BLK: variants seen among roughly 807,000 people sequenced by gnomAD.
BLK encodes BLK proto-oncogene, Src family tyrosine kinase, also known as tyrosine-protein kinase Blk.
A neutral mutation model predicts 61.8 loss-of-function variants in BLK; 64 were observed. The observed-to-expected ratio is 1.03, with a 90% CI of 0.85 to 1.27. BLK has a LOEUF of 1.27. BLK is among the 50% of genes most tolerant of loss of function. The pLI, the probability that BLK is intolerant of heterozygous loss-of-function variation, is 0.00. For missense variants in BLK, 853 were observed against 660.5 expected (o/e 1.29, Z -3.19); for synonymous variants, 351 against 272.0 (o/e 1.29, Z -2.86).
At chr8:11,535,603 T>G (rs1321667315) in intron 1 of BLK, among the ~76,000 whole-genome samples, 1 of 152,230 alleles carries the variant, frequency 6.6e-6, no homozygotes, top group Non-Finnish European at 1.5e-5. Context: ...ACTGATGGAA[T>G]CAGAGCACGC....
At chr8:11,543,148 G>A in intron 1 of BLK, 76 bp from the exon 2 acceptor site, 4 of 1,607,940 alleles carry the variant, frequency 2.5e-6, no homozygotes, top group Non-Finnish European at 3.4e-6. Flanking sequence ...CCCGGAAGGG[G>A]CCAGGGATCC....
intron 1 of BLK, among the ~76,000 whole-genome samples, chr8:11,535,942 G>A (rs983705477): frequency 1.3e-5 from 2 of 152,176 alleles, no homozygotes; most frequent in East Asian, 1.9e-4. Context: ...CAAATCAAAG[G>A]CTTGAAACTA....
chr8:11,550,551 G>GT (rs1800854641), intron 6 of BLK, among the ~76,000 whole-genome samples: 1 of 152,276 alleles, frequency 6.6e-6, no homozygotes, highest in Admixed American at 6.5e-5. Flanking sequence ...ACCGAGGCCA[G>GT]TGGGGGCCAG....
chr8:11,537,421 AG>A (rs1260963362), intron 1 of BLK, among the ~76,000 whole-genome samples: 1 of 152,218 alleles, frequency 6.6e-6, no homozygotes, highest in African/African-American at 2.4e-5. Flanking sequence ...TATGTCTGGC[AG>A]GTCAAATCAG....
chr8:11,555,225 G>A lies in BLK; in HGVS notation c.620-107G>A, dbSNP rs769525374. On this transcript the variant is annotated intron_variant, in intron 7 of 12. Coordinates refer to ENST00000259089, the MANE Select transcript of BLK (RefSeq NM_001715.3). ...GGCGTGTGCACACACCCATGCAGGG[G>A]GTGGGGTGGCTGGGGAGTGGAGGGC... The A allele has an allele frequency of 7.7e-4, 1,112 of 1,435,098 alleles. 12 individuals carry two copies. Among genetic ancestry groups the A allele is most frequent in the South Asian group, 2.2e-3 (191 of 87,150 alleles). The allele number at this position is 1,435,098 out of a possible 1,614,324, so 88.9% of individuals were successfully genotyped here. A position where few individuals can be genotyped will look rare whatever the true frequency, so the allele number is the denominator to read the frequency against.
intron 10 of BLK, among the ~76,000 whole-genome samples, chr8:11,559,320 C>A (rs1424339370): frequency 7.9e-6 from 1 of 126,876 alleles, no homozygotes; most frequent in Admixed American, 7.5e-5. Context: ...CACATAAAAA[C>A]ACAGACTCAC....
chr8:11,501,346 ACTCT>A (rs199833480), intron 1 of BLK, among the ~76,000 whole-genome samples: 1,422 of 135,438 alleles, frequency 0.01, 25 homozygotes, highest in African/African-American at 0.036. Context: ...GAAAGGCTAA[ACTCT>A]CTCTCTTTTT....
At chr8:11,548,901 A>T in intron 4 of BLK, 123 bp from the exon 5 acceptor site, 1 of 889,414 alleles carries the variant, frequency 1.1e-6, no homozygotes, top group South Asian at 1.4e-5. Flanking sequence ...TGCCTGCCGT[A>T]CTCTCTACCC....
At chr8:11,553,343 G>A (rs1367758818) in intron 6 of BLK, 1 of 419,044 alleles carries the variant, frequency 2.4e-6, no homozygotes, top group East Asian at 7.6e-5. Flanking sequence ...GCCAGGCCCT[G>A]CCTGCCCAGG....
intron 5 of BLK, among the ~76,000 whole-genome samples, chr8:11,549,334 T>A (rs1465559430): frequency 6.6e-6 from 1 of 152,178 alleles, no homozygotes; most frequent in Non-Finnish European, 1.5e-5. Context: ...AAGCCGCTCT[T>A]CCCAGCTAAA....
At chr8:11,560,938 GCTCCCC>G (rs878979672) in intron 10 of BLK, 1 of 483,016 alleles carries the variant, frequency 2.1e-6, no homozygotes, top group South Asian at 1.5e-5. Context: ...CTTGCCTCCT[GCTCCCC>G]CTCCCCCTCC....
At chr8:11,563,471 G>T (rs1801584644) in intron 12 of BLK, among the ~76,000 whole-genome samples, 1 of 152,216 alleles carries the variant, frequency 6.6e-6, no homozygotes, top group Admixed American at 6.5e-5. Flanking sequence ...CTTCCTGTGT[G>T]GCCAGAATCG....
intron 3 of BLK, among the ~76,000 whole-genome samples, chr8:11,546,472 G>C (rs983563611): frequency 6.6e-6 from 1 of 152,164 alleles, no homozygotes; most frequent in Non-Finnish European, 1.5e-5. Flanking sequence ...TCCAGCCCCT[G>C]TCCGCTCTAT....
At chr8:11,540,185 A>G (rs1376749067) in intron 1 of BLK, among the ~76,000 whole-genome samples, 2 of 151,920 alleles carry the variant, frequency 1.3e-5, no homozygotes, top group African/African-American at 4.8e-5. Flanking sequence ...TTTCAGTCAT[A>G]CACCTAGAAT....
intron 1 of BLK, among the ~76,000 whole-genome samples, chr8:11,519,692 A>C (rs1017429073): frequency 3.9e-5 from 6 of 152,182 alleles, no homozygotes; most frequent in African/African-American, 1.4e-4. Context: ...TCTCAATTGT[A>C]TTGACTGAGA....
chr8:11,519,346 C>G (rs576411431), intron 1 of BLK, among the ~76,000 whole-genome samples: 1 of 152,328 alleles, frequency 6.6e-6, no homozygotes, highest in Non-Finnish European at 1.5e-5. Context: ...AGCTCCGAAA[C>G]AGTTCCACGG....
chr8:11,506,516 GT>G (rs1798774729), intron 1 of BLK, among the ~76,000 whole-genome samples: 2 of 152,296 alleles, frequency 1.3e-5, no homozygotes, highest in South Asian at 4.1e-4. Flanking sequence ...ATTTACGTAT[GT>G]TGAGTGTGAA....
chr8:11,503,506 G>C (rs935054369), intron 1 of BLK, among the ~76,000 whole-genome samples: 3 of 152,134 alleles, frequency 2.0e-5, no homozygotes, highest in Non-Finnish European at 1.5e-5. Flanking sequence ...ATTTTTTTCT[G>C]CTCCATCCTG....
chr8:11,556,014 T>C (rs1563121084), intron 8 of BLK: 1 of 286,522 alleles, frequency 3.5e-6, no homozygotes, highest in African/African-American at 2.2e-5. Flanking sequence ...TATCCCTGGA[T>C]TGGTCCATGA....
Sources: gnomAD v4.1 joint callset for allele counts (sites outside exome capture counted in the v4.1 genomes callset) on GRCh38, gnomAD v4.1.1 for gene constraint, MANE v1.5 for transcripts, NCBI Gene and HGNC (gene_info 2026-07-23, HGNC 2026-07-21) for gene names.